The following IGSF11 variants were observed in gnomAD, a reference collection of about 807,000 sequenced individuals.
The protein encoded by IGSF11 is immunoglobulin superfamily member 11.
In IGSF11, 22 loss-of-function variants were observed where a neutral mutation model predicts 41.0. The ratio of observed to expected loss-of-function variants is 0.54; its 90% CI spans 0.38 to 0.77. IGSF11 has a LOEUF of 0.77. Among genes scored for constraint, IGSF11 ranks in the 30% least tolerant of loss-of-function variants. The probability of loss-of-function intolerance (pLI) is 0.00; values close to 1 mark genes in which losing one functional copy is unlikely to be tolerated. For missense variants in IGSF11, 444 were observed against 530.8 expected (o/e 0.84, Z 1.61); for synonymous variants, 219 against 201.3 (o/e 1.09, Z -0.74).
upstream of IGSF11, among the ~76,000 whole-genome samples, chr3:119,036,274 A>C (rs1176226050): frequency 2.0e-5 from 3 of 152,188 alleles, no homozygotes; most frequent in African/African-American, 7.2e-5. Flanking sequence ...AGAGTTTTTC[A>C]TATTAATAAC....
At chr3:119,106,281 A>T (rs1402606817), upstream of IGSF11, among the ~76,000 whole-genome samples, 2 of 152,186 alleles carry the variant, frequency 1.3e-5, no homozygotes, top group Admixed American at 6.6e-5. Flanking sequence ...ACCCAGTTAT[A>T]CTATCAAATA....
At chr3:119,045,459 T>G (rs1102580) in intron 1 of IGSF11, among the ~76,000 whole-genome samples, 19 of 152,166 alleles carry the variant, frequency 1.2e-4, no homozygotes, top group Admixed American at 7.8e-4. Context: ...CGGCGCACCA[T>G]GAGATTATAT....
At chr3:119,128,442 T>A (rs2077433977) in intron 1 of IGSF11, among the ~76,000 whole-genome samples, 1 of 152,080 alleles carries the variant, frequency 6.6e-6, no homozygotes, top group South Asian at 2.1e-4. Context: ...AATGCCCTAA[T>A]TAAAAGACAC....
At chr3:118,988,965 T>C (rs1935521083) in intron 1 of IGSF11, among the ~76,000 whole-genome samples, 2 of 152,178 alleles carry the variant, frequency 1.3e-5, no homozygotes, top group African/African-American at 2.4e-5. Context: ...AAGTTCTAAG[T>C]CCCATATAAA....
At chr3:119,024,974 G>A (rs1009076714) in intron 1 of IGSF11, among the ~76,000 whole-genome samples, 1 of 152,092 alleles carries the variant, frequency 6.6e-6, no homozygotes, top group Non-Finnish European at 1.5e-5. Context: ...AAATAGGTAT[G>A]TACACAGCCT....
intron 1 of IGSF11, among the ~76,000 whole-genome samples, chr3:119,070,233 C>T (rs946118916): frequency 2.6e-5 from 4 of 152,200 alleles, no homozygotes; most frequent in African/African-American, 7.2e-5. Flanking sequence ...TTTTTCCTTA[C>T]TCTTTTGAAA....
At chr3:118,924,782 T>C (rs192771427) in intron 4 of IGSF11, among the ~76,000 whole-genome samples, 7 of 152,150 alleles carry the variant, frequency 4.6e-5, no homozygotes, top group Non-Finnish European at 1.0e-4. Flanking sequence ...AGAGATATTA[T>C]AAATAAAAAA....
intron 1 of IGSF11, among the ~76,000 whole-genome samples, chr3:119,078,550 T>C (rs1404088106): frequency 6.6e-6 from 1 of 152,168 alleles, no homozygotes; most frequent in Non-Finnish European, 1.5e-5. Context: ...CCTTTCACCA[T>C]TTACAAAAAT....
intron 1 of IGSF11, among the ~76,000 whole-genome samples, chr3:118,953,366 A>G (rs1473221310): frequency 6.6e-6 from 1 of 152,206 alleles, no homozygotes; most frequent in Non-Finnish European, 1.5e-5. Context: ...ACACATGTGA[A>G]AGTATCTTTT....
chr3:118,901,691 T>C lies in IGSF11; in HGVS notation c.*829A>G, dbSNP rs1390910396. 1 of 151,380 alleles carries C rather than the reference T, an allele frequency of 6.6e-6. No individual in the cohort carries two copies. The highest frequency in any genetic ancestry group is 2.4e-5 in the African/African-American group (1 of 41,078). The allele number at this position is 151,380 out of a possible 1,614,324, so 9.4% of individuals were successfully genotyped here. The stretch of plus-strand genomic sequence containing the variant: ...TCTATGAGCTCACTAAATACAACCA[T>C]TGAACAAGGTATTATACAACAGTCT... On this transcript the variant is annotated 3_prime_UTR_variant, in exon 7 of 7. Coordinates refer to ENST00000393775, the MANE Select transcript of IGSF11 (RefSeq NM_001015887.3).
At chr3:118,914,303 G>A (rs906278185) in intron 4 of IGSF11, among the ~76,000 whole-genome samples, 13 of 152,228 alleles carry the variant, frequency 8.5e-5, no homozygotes, top group African/African-American at 2.9e-4. Context: ...CAGCGTGAGC[G>A]ACGCAGAAGA....
chr3:118,910,024 C>G (rs922782801), intron 4 of IGSF11, among the ~76,000 whole-genome samples: 1 of 152,188 alleles, frequency 6.6e-6, no homozygotes, highest in Non-Finnish European at 1.5e-5. Flanking sequence ...CATGACCACA[C>G]ACTTATCACA....
chr3:118,963,747 T>C (rs578214439), intron 1 of IGSF11, among the ~76,000 whole-genome samples: 171 of 152,302 alleles, frequency 1.1e-3, no homozygotes, highest in African/African-American at 3.9e-3. Flanking sequence ...TATCTATATA[T>C]AGAAATAAAG....
intron 1 of IGSF11, among the ~76,000 whole-genome samples, chr3:118,956,157 A>G (rs1429125328): frequency 2.0e-5 from 3 of 152,158 alleles, no homozygotes; most frequent in Admixed American, 2.0e-4. Context: ...CAGAATTGAA[A>G]AAAATTAGGG....
chr3:118,923,160 T>C (rs1941993262), intron 4 of IGSF11, among the ~76,000 whole-genome samples: 1 of 152,186 alleles, frequency 6.6e-6, no homozygotes. Flanking sequence ...TGGCTTTCAA[T>C]GAATGCTAGG....
chr3:118,980,130 C>A (rs1329135682), intron 1 of IGSF11, among the ~76,000 whole-genome samples: 1 of 152,098 alleles, frequency 6.6e-6, no homozygotes, highest in Non-Finnish European at 1.5e-5. Context: ...ACAACAACAA[C>A]CACAAACAGA....
At chr3:119,048,632 C>T (rs532923091) in intron 1 of IGSF11, among the ~76,000 whole-genome samples, 113 of 152,070 alleles carry the variant, frequency 7.4e-4, no homozygotes, top group African/African-American at 2.3e-3. Context: ...AAGGAATACT[C>T]CCTAACTCAT....
At chr3:119,067,401 G>T (rs558914647) in intron 1 of IGSF11, among the ~76,000 whole-genome samples, 1 of 152,062 alleles carries the variant, frequency 6.6e-6, no homozygotes, top group Non-Finnish European at 1.5e-5. Flanking sequence ...CCCTTCCAAG[G>T]TCCTCAGCCC....
intron 1 of IGSF11, among the ~76,000 whole-genome samples, chr3:118,979,083 T>C (rs938352721): frequency 6.6e-6 from 1 of 151,798 alleles, no homozygotes; most frequent in Non-Finnish European, 1.5e-5. Context: ...ACCAAAGAGA[T>C]AGATATAATA....
Sources: gnomAD v4.1 joint callset for allele counts (sites outside exome capture counted in the v4.1 genomes callset) on GRCh38, gnomAD v4.1.1 for gene constraint, MANE v1.5 for transcripts, NCBI Gene and HGNC (gene_info 2026-07-23, HGNC 2026-07-21) for gene names.